CFAP61: variants seen among roughly 807,000 people sequenced by gnomAD.
CFAP61 encodes cilia- and flagella-associated protein 61.
A neutral mutation model predicts 135.6 loss-of-function variants in CFAP61; 107 were observed. The observed-to-expected ratio is 0.79, with a 90% confidence interval of 0.67 to 0.93. CFAP61 has a LOEUF of 0.93. Ranked by LOEUF, CFAP61 falls within the 40% of genes least tolerant of loss-of-function variation. CFAP61 has a pLI of 0.00. For missense variants in CFAP61, 1,507 were observed against 1,556.2 expected (o/e 0.97, Z 0.53); for synonymous variants, 575 against 578.5 (o/e 0.99, Z 0.09).
At chr20:20,333,366 G>A (rs1048406644) in intron 25 of CFAP61, among the ~76,000 whole-genome samples, 4 of 152,122 alleles carry the variant, frequency 2.6e-5, no homozygotes, top group Non-Finnish European at 4.4e-5. Context: ...AGAGACTAAC[G>A]CTAACTAGCT....
At chr20:20,153,439 T>C (rs545463341) in intron 9 of CFAP61, among the ~76,000 whole-genome samples, 6 of 152,184 alleles carry the variant, frequency 3.9e-5, no homozygotes, top group African/African-American at 1.4e-4. Flanking sequence ...GCTGGTTCTT[T>C]GAAAAGATAA....
intron 17 of CFAP61, among the ~76,000 whole-genome samples, chr20:20,223,624 A>G (rs2048541937): frequency 6.6e-6 from 1 of 152,200 alleles, no homozygotes; most frequent in African/African-American, 2.4e-5. Flanking sequence ...ATGCTTTTGT[A>G]GTCATTCTAA....
chr20:20,158,784 T>C (rs1038881588), intron 9 of CFAP61, among the ~76,000 whole-genome samples: 1 of 152,096 alleles, frequency 6.6e-6, no homozygotes, highest in African/African-American at 2.4e-5. Context: ...CATGGAAGCT[T>C]GGGGGGCGAT....
chr20:20,321,380 A>G (rs1182298289), intron 25 of CFAP61, among the ~76,000 whole-genome samples: 2 of 152,210 alleles, frequency 1.3e-5, no homozygotes, highest in Non-Finnish European at 2.9e-5. Flanking sequence ...GGTAACTTAT[A>G]TAAGTAATCA....
At chr20:20,109,779 T>C (rs1399462523) in intron 8 of CFAP61, among the ~76,000 whole-genome samples, 4 of 152,240 alleles carry the variant, frequency 2.6e-5, no homozygotes, top group African/African-American at 9.6e-5. Context: ...AGCTAGCTCT[T>C]AATCTATCAA....
intron 21 of CFAP61, among the ~76,000 whole-genome samples, chr20:20,268,283 A>C (rs2052966529): frequency 6.6e-6 from 1 of 152,210 alleles, no homozygotes; most frequent in Admixed American, 6.5e-5. Context: ...CCACACCCTG[A>C]ATCCTAACAA....
chr20:20,300,593 CTTTTGTTTT>C (rs2056005237), intron 25 of CFAP61, among the ~76,000 whole-genome samples: 1 of 149,484 alleles, frequency 6.7e-6, no homozygotes, highest in Non-Finnish European at 1.5e-5. Context: ...TTATGGGGTT[CTTTTGTTTT>C]TTTTGTTTTT....
chr20:20,190,971 T>A (rs990257390), intron 14 of CFAP61, among the ~76,000 whole-genome samples: 1 of 151,826 alleles, frequency 6.6e-6, no homozygotes, highest in Non-Finnish European at 1.5e-5. Context: ...ATACAAAAAT[T>A]AGCTGAGCAT....
At chr20:20,321,588 G>C (rs187789725) in intron 25 of CFAP61, among the ~76,000 whole-genome samples, 10 of 152,316 alleles carry the variant, frequency 6.6e-5, no homozygotes, top group Admixed American at 1.3e-4. Context: ...CAGCAGGACA[G>C]ACAAGGTAGG....
chr20:20,119,939 A>G (rs779740296), intron 8 of CFAP61, among the ~76,000 whole-genome samples: 1 of 152,196 alleles, frequency 6.6e-6, no homozygotes, highest in Admixed American at 6.5e-5. Context: ...AACGGCATCC[A>G]GCTCCATGTT....
chr20:20,228,465 C>A, intron 18 of CFAP61, 89 bp downstream of exon 18: 1 of 1,160,918 alleles, frequency 8.6e-7, no homozygotes, highest in South Asian at 1.5e-5. Flanking sequence ...AGAGAACAGA[C>A]CTGAGATTGT....
At chr20:20,162,817 A>G (rs1444267987) in intron 10 of CFAP61, among the ~76,000 whole-genome samples, 1 of 148,228 alleles carries the variant, frequency 6.7e-6, no homozygotes, top group African/African-American at 2.5e-5. Context: ...AAGCACACAG[A>G]TGAAAACATT....
At chr20:20,177,644 G>T (rs1390696483) in intron 13 of CFAP61, among the ~76,000 whole-genome samples, 1 of 151,346 alleles carries the variant, frequency 6.6e-6, no homozygotes. Flanking sequence ...AAACAGAAAT[G>T]ATGCAAACAG....
chr20:20,340,393 G>A lies in CFAP61; in HGVS notation c.3423-1438G>A, dbSNP rs191673931. 5.2e-3 allele frequency among the ~76,000 whole-genome samples: 787 copies of A among 152,090 alleles called. 9 individuals carry two copies. The highest frequency in any genetic ancestry group is 0.01 in the South Asian group (49 of 4,806). On this transcript the variant is annotated intron_variant, in intron 25 of 26. Coordinates refer to ENST00000245957, the MANE Select transcript of CFAP61 (RefSeq NM_015585.4). ...AGAGGGTGAGTAGGCAGATCACAGA[G>A]GGCTTTTTAGGGCAGTGACGCTCTT...
At chr20:20,192,207 A>ATGT (rs144656676) in intron 15 of CFAP61, among the ~76,000 whole-genome samples, 6,603 of 151,992 alleles carry the variant, frequency 0.043, 219 homozygotes, top group Middle Eastern at 0.079. Flanking sequence ...ATGGCTTTCT[A>ATGT]TGTTGTTGTT....
intron 2 of CFAP61, chr20:20,069,796 A>G (rs1417226487): frequency 1.1e-5 from 5 of 455,394 alleles, no homozygotes; most frequent in East Asian, 6.9e-5. Context: ...TGATAAAAAC[A>G]TAACTGGAAA....
rs142189443 is a variant in CFAP61, at chr20:20,269,117, C to CTATATATA, written c.2503+6010_2503+6017dup. Among the ~76,000 whole-genome samples, 933 of 104,456 alleles carry CTATATATA rather than the reference C, an allele frequency of 8.9e-3. 5 individuals carry two copies. The highest frequency in any genetic ancestry group is 0.019 in the Admixed American group (175 of 9,364). 68.5% of individuals were successfully genotyped at this position (104,456 alleles called of 152,430 possible). On this transcript the variant is annotated intron_variant, in intron 21 of 26. Coordinates refer to ENST00000245957, the MANE Select transcript of CFAP61 (RefSeq NM_015585.4). Reference sequence around the variant, plus strand: ...CGCATTGTCTGGTTCTATTCGTGGGCTATATATATATATATATATATATAT... The same window carrying CTATATATA: ...CGCATTGTCTGGTTCTATTCGTGGGCTATATATATATATATATATATATATATATATAT...
chr20:20,330,811 C>G (rs1041225011), intron 25 of CFAP61, among the ~76,000 whole-genome samples: 1 of 152,162 alleles, frequency 6.6e-6, no homozygotes, highest in Non-Finnish European at 1.5e-5. Flanking sequence ...AAATGGGGCT[C>G]TGATACCTTG....
chr20:20,108,489 T>G (rs747969096), intron 8 of CFAP61, among the ~76,000 whole-genome samples: 1 of 151,800 alleles, frequency 6.6e-6, no homozygotes, highest in Non-Finnish European at 1.5e-5. Flanking sequence ...AGGTTACAAA[T>G]AGTGAGGGGA....
Sources: allele counts gnomAD v4.1 joint callset (sites outside exome capture counted in the v4.1 genomes callset), GRCh38; gene constraint gnomAD v4.1.1; transcripts MANE v1.5; gene names NCBI Gene and HGNC (gene_info 2026-07-23, HGNC 2026-07-21).